OSBP2: variants seen among roughly 807,000 people sequenced by gnomAD.
OSBP2 encodes oxysterol binding protein 2.
Under a neutral mutation model 96.0 loss-of-function variants are expected in OSBP2, and 66 were observed. The observed-to-expected ratio is 0.69, with a 90% confidence interval of 0.56 to 0.84. The LOEUF (loss-of-function observed/expected upper bound fraction) is 0.84, where lower values mean the gene tolerates loss of function less well. Ranked by LOEUF, OSBP2 falls within the 40% of genes least tolerant of loss-of-function variation. OSBP2 has a pLI of 0.00. For missense variants in OSBP2, 1,038 were observed against 1,222.7 expected (o/e 0.85, Z 2.25); for synonymous variants, 525 against 520.9 (o/e 1.01, Z -0.11).
intron 1 of OSBP2, among the ~76,000 whole-genome samples, chr22:30,708,477 G>GTTTTT (rs2089291362): frequency 1.3e-5 from 1 of 75,564 alleles, no homozygotes; most frequent in African/African-American, 4.4e-5. Flanking sequence ...AAAGGATAAG[G>GTTTTT]ATTTTTTTTT....
intron 1 of OSBP2, among the ~76,000 whole-genome samples, chr22:30,697,282 C>CT (rs894797095): frequency 2.6e-5 from 4 of 151,846 alleles, no homozygotes; most frequent in African/African-American, 7.3e-5. Context: ...TGTCCATCTT[C>CT]TTTTTTTTAT....
In OSBP2 at chr22:30,695,137, A is replaced by G; in HGVS notation, c.228A>G (p.Ala76=). The change falls in exon 1 of 14, where the codon GCA becomes GCG. Residue 76 remains alanine, a synonymous_variant. Transcript: ENST00000332585. ...SEQVSEAVSE[A]VPRSEPVSET... is the part of the protein sequence containing the mutation. ...AGGTGTCGGAGGCAGTTTCGGAGGCAGTGCCAAGATCGGAACCTGTGTCCG... is the reference window on the plus strand; with the variant it reads ...AGGTGTCGGAGGCAGTTTCGGAGGCGGTGCCAAGATCGGAACCTGTGTCCG... 1 of 1,602,876 alleles carries G rather than the reference A, an allele frequency of 6.2e-7. No homozygotes were observed. The highest frequency in any genetic ancestry group is 1.7e-5 in the Admixed American group (1 of 59,074).
At chr22:30,768,003 G>A (rs2090298085) in intron 2 of OSBP2, among the ~76,000 whole-genome samples, 1 of 152,184 alleles carries the variant, frequency 6.6e-6, no homozygotes, top group Admixed American at 6.5e-5. Flanking sequence ...TAGGAGGTGT[G>A]AACAATTTGG....
chr22:30,729,576 T>C (rs1036346164), intron 1 of OSBP2, among the ~76,000 whole-genome samples: 6 of 152,142 alleles, frequency 3.9e-5, no homozygotes, highest in Admixed American at 2.6e-4. Context: ...AGGCAGAGAT[T>C]GCTGTGAGCC....
intron 2 of OSBP2, among the ~76,000 whole-genome samples, chr22:30,850,145 A>G (rs1433872895): frequency 1.3e-5 from 2 of 151,972 alleles, no homozygotes; most frequent in Non-Finnish European, 2.9e-5. Flanking sequence ...CTCTACTAAA[A>G]ATACAAAAAA....
At chr22:30,779,278 T>C (rs2090481537) in intron 2 of OSBP2, among the ~76,000 whole-genome samples, 1 of 148,408 alleles carries the variant, frequency 6.7e-6, no homozygotes, top group African/African-American at 2.5e-5. Flanking sequence ...TTCTGGTATT[T>C]TTAGTAGAGA....
At chr22:30,714,251 A>G (rs2089407586) in intron 1 of OSBP2, among the ~76,000 whole-genome samples, 1 of 152,156 alleles carries the variant, frequency 6.6e-6, no homozygotes, top group Admixed American at 6.5e-5. Context: ...TTCTTTTTTA[A>G]TGGCTGAATA....
intron 12 of OSBP2, among the ~76,000 whole-genome samples, chr22:30,895,619 G>A (rs1287895304): frequency 1.3e-5 from 2 of 152,170 alleles, no homozygotes; most frequent in Non-Finnish European, 2.9e-5. Context: ...AGCCTCGGAA[G>A]TTTTGCCACA....
At chr22:30,725,305 C>T (rs1602175227) in intron 1 of OSBP2, among the ~76,000 whole-genome samples, 1 of 151,910 alleles carries the variant, frequency 6.6e-6, no homozygotes, top group Non-Finnish European at 1.5e-5. Context: ...AGGAGTTCAA[C>T]ACCAGCAGCC....
intron 2 of OSBP2, among the ~76,000 whole-genome samples, chr22:30,795,711 G>C (rs2090750562): frequency 6.6e-6 from 1 of 151,974 alleles, no homozygotes; most frequent in Non-Finnish European, 1.5e-5. Flanking sequence ...TAGAGATGGG[G>C]TTTCTCCATG....
At chr22:30,823,994 T>C (rs1458675034) in intron 2 of OSBP2, among the ~76,000 whole-genome samples, 1 of 152,224 alleles carries the variant, frequency 6.6e-6, no homozygotes, top group African/African-American at 2.4e-5. Flanking sequence ...ATTGTTTTTT[T>C]TCTCTTGGCT....
chr22:30,902,177 TG>T, intron 12 of OSBP2: 2 of 719,036 alleles, frequency 2.8e-6, no homozygotes, highest in Non-Finnish European at 4.4e-6. Flanking sequence ...GCAGTACTGG[TG>T]GCCATGGTTC....
At chr22:30,793,170 A>C (rs1381319958) in intron 2 of OSBP2, among the ~76,000 whole-genome samples, 1 of 152,128 alleles carries the variant, frequency 6.6e-6, no homozygotes, top group Non-Finnish European at 1.5e-5. Context: ...TGGGCGGATC[A>C]CTTGAGGTCA....
intron 2 of OSBP2, among the ~76,000 whole-genome samples, chr22:30,759,272 TG>T (rs2090178816): frequency 1.3e-5 from 2 of 152,076 alleles, no homozygotes; most frequent in African/African-American, 4.8e-5. Context: ...CGCTTGAGCC[TG>T]GGAGGCAGAG....
At chr22:30,882,692 C>T (rs569120755) in intron 3 of OSBP2, among the ~76,000 whole-genome samples, 12 of 152,218 alleles carry the variant, frequency 7.9e-5, no homozygotes, top group East Asian at 7.7e-4. Context: ...TGGGAAGGAA[C>T]GGAGCCCCAG....
rs1190598710 is a variant in OSBP2, at chr22:30,725,768, C to T, written c.645-15393C>T. Among the ~76,000 whole-genome samples the T allele has an allele frequency of 3.3e-5, 5 of 151,648 alleles. No homozygotes were observed. The South Asian group carries it at 1.0e-3, about 31-fold the overall frequency. ...CAATGTCTGCTTTTCTAATTTATGG[C>T]CCTTGTGAGGGTCAAAAGAGTCTTT... On this transcript the variant is annotated intron_variant, in intron 1 of 13. Coordinates refer to ENST00000332585, the MANE Select transcript of OSBP2 (RefSeq NM_030758.4).
intron 2 of OSBP2, among the ~76,000 whole-genome samples, chr22:30,844,985 G>A (rs578025541): frequency 6.6e-6 from 1 of 152,228 alleles, no homozygotes; most frequent in Non-Finnish European, 1.5e-5. Flanking sequence ...GGAGAGAGAT[G>A]GGGGAATGGC....
intron 12 of OSBP2, chr22:30,902,778 A>G (rs184000813): frequency 7.2e-5 from 31 of 428,302 alleles, no homozygotes; most frequent in Non-Finnish European, 1.4e-4. Context: ...AGGAGCAAGA[A>G]TGAGCCTGCG....
At chr22:30,845,988 A>G (rs1044748687) in intron 2 of OSBP2, among the ~76,000 whole-genome samples, 5 of 151,948 alleles carry the variant, frequency 3.3e-5, no homozygotes, top group African/African-American at 7.3e-5. Context: ...TTGGGCCCAT[A>G]ATGAACAATG....
Sources: gnomAD v4.1 joint callset for allele counts (sites outside exome capture counted in the v4.1 genomes callset) on GRCh38, gnomAD v4.1.1 for gene constraint, MANE v1.5 for transcripts, NCBI Gene and HGNC (gene_info 2026-07-23, HGNC 2026-07-21) for gene names.